Variants in DIP2C observed in about 807,000 individuals in gnomAD.
DIP2C encodes DIP2 acetate--CoA ligase C (putative).
DIP2C carries 33 observed loss-of-function variants against 192.4 expected under a neutral mutation model. The ratio of observed to expected loss-of-function variants is 0.17; its 90% CI spans 0.13 to 0.23. The LOEUF is 0.23. Among genes scored for constraint, DIP2C ranks in the 10% least tolerant of loss-of-function variants. DIP2C has a pLI of 1.00. For synonymous variants in DIP2C, 979 were observed against 864.1 expected (o/e 1.13, Z -2.33); for missense variants, 1,537 against 2,110.1 (o/e 0.73, Z 5.32).
intron 1 of DIP2C, among the ~76,000 whole-genome samples, chr10:681,635 T>C (rs954120902): frequency 6.6e-6 from 1 of 152,022 alleles, no homozygotes; most frequent in Non-Finnish European, 1.5e-5. Flanking sequence ...CCACGGAAAT[T>C]CCAGGGAACA....
chr10:650,857 C>T (rs1005940020), intron 1 of DIP2C: 14 of 716,874 alleles, frequency 2.0e-5, no homozygotes, highest in Non-Finnish European at 3.4e-5. Context: ...GTGAGAGGTC[C>T]GTGGCATAAC....
At chr10:336,314 ATTTCTACTGCC>A (rs1957766420) in intron 29 of DIP2C, among the ~76,000 whole-genome samples, 2 of 144,676 alleles carry the variant, frequency 1.4e-5, no homozygotes, top group South Asian at 4.8e-4. Context: ...AAGCTGAAAA[ATTTCTACTGCC>A]TAGAGATGCT....
chr10:301,767 T>C (rs957862159), intron 32 of DIP2C, among the ~76,000 whole-genome samples: 1 of 152,156 alleles, frequency 6.6e-6, no homozygotes, highest in African/African-American at 2.4e-5. Flanking sequence ...GCCACAGTGC[T>C]CCATGACTGC....
chr10:282,402 T>C (rs1010280070), intron 35 of DIP2C, among the ~76,000 whole-genome samples: 1 of 152,236 alleles, frequency 6.6e-6, no homozygotes. Context: ...TATTTCTGTA[T>C]GATTCCTAAA....
At chr10:317,547 G>T (rs531796183) in intron 31 of DIP2C, among the ~76,000 whole-genome samples, 1 of 152,202 alleles carries the variant, frequency 6.6e-6, no homozygotes, top group African/African-American at 2.4e-5. Flanking sequence ...AACTTACTGA[G>T]TGAATGATGA....
chr10:486,575 G>A (rs763043597), intron 1 of DIP2C, 45 bp from the exon 2 acceptor site: 2 of 1,515,104 alleles, frequency 1.3e-6, no homozygotes, highest in South Asian at 1.3e-5. Context: ...TCCGTGGATA[G>A]AGCATTATCA....
chr10:591,686 C>T (rs1406127603), intron 1 of DIP2C, among the ~76,000 whole-genome samples: 1 of 152,146 alleles, frequency 6.6e-6, no homozygotes, highest in Non-Finnish European at 1.5e-5. Flanking sequence ...GACACAAGGA[C>T]GAAGCCACCA....
Position 636,212 on chromosome 10 carries a change from C to T in DIP2C, c.85+53282G>A, listed in dbSNP as rs1221428264. ...ACAGAACACCAACGGCTCGTCGGCT[C>T]GTCGGCTCTTCCCGGCTGAACCCAA... On this transcript the variant is annotated intron_variant, in intron 1 of 36. Transcript: ENST00000280886. The surrounding 1 kb of genome is among the most constrained non-coding windows in gnomAD (Gnocchi z 4.6). Among the ~76,000 whole-genome samples the T allele has an allele frequency of 1.3e-5, 2 of 152,198 alleles. No individual in the cohort carries two copies. The highest frequency in any genetic ancestry group is 6.5e-5 in the Admixed American group (1 of 15,288).
At chr10:366,238 A>G (rs371372636) in intron 19 of DIP2C, 37 bp downstream of exon 19, 6 of 1,606,686 alleles carry the variant, frequency 3.7e-6, no homozygotes, top group Admixed American at 1.7e-5. Flanking sequence ...AGACGGAGCC[A>G]CAGATGGTGC....
intron 1 of DIP2C, among the ~76,000 whole-genome samples, chr10:661,663 A>C (rs1856770020): frequency 6.6e-6 from 1 of 151,736 alleles, no homozygotes; most frequent in African/African-American, 2.4e-5. Flanking sequence ...CCCTTCCTCC[A>C]TTTCCAAATG....
intron 22 of DIP2C, among the ~76,000 whole-genome samples, chr10:361,745 A>G (rs1283877801): frequency 2.0e-5 from 3 of 152,198 alleles, no homozygotes; most frequent in African/African-American, 7.2e-5. Context: ...GTCCTTCACA[A>G]GGCTGTTTAC....
chr10:523,621 ACT>A (rs1487126989), intron 1 of DIP2C, among the ~76,000 whole-genome samples: 2 of 142,644 alleles, frequency 1.4e-5, no homozygotes, highest in African/African-American at 2.6e-5. Flanking sequence ...GGATGCAGGG[ACT>A]CTGTGTGACC....
chr10:546,184 A>AG (rs2130923297), intron 1 of DIP2C, among the ~76,000 whole-genome samples: 1 of 151,622 alleles, frequency 6.6e-6, no homozygotes, highest in East Asian at 1.9e-4. Flanking sequence ...TGGGAGGCTG[A>AG]GGCAGGAGAA....
At chr10:390,200 C>T in intron 12 of DIP2C, 64 bp downstream of exon 12, 1 of 1,596,240 alleles carries the variant, frequency 6.3e-7, no homozygotes, top group Non-Finnish European at 8.6e-7. Context: ...GTGTAACCGT[C>T]AGAAACACAC....
chr10:541,093 TGCTGGGG>T (rs1313605911), intron 1 of DIP2C, among the ~76,000 whole-genome samples: 1 of 126,982 alleles, frequency 7.9e-6, no homozygotes, highest in Non-Finnish European at 1.6e-5. Context: ...CAACACCCGA[TGCTGGGG>T]AGCCACAACA....
intron 31 of DIP2C, among the ~76,000 whole-genome samples, chr10:326,602 G>A (rs1046392646): frequency 1.3e-5 from 2 of 152,254 alleles, no homozygotes; most frequent in African/African-American, 4.8e-5. Context: ...TGCCATTGCA[G>A]CAGCAAATCC....
chr10:283,941 G>A (rs1318608419), intron 34 of DIP2C, among the ~76,000 whole-genome samples: 3 of 152,142 alleles, frequency 2.0e-5, no homozygotes, highest in Non-Finnish European at 2.9e-5. Context: ...ACCAAAAACC[G>A]GAAACGAAAA....
intron 1 of DIP2C, among the ~76,000 whole-genome samples, chr10:545,555 A>G (rs933116205): frequency 6.6e-6 from 1 of 152,218 alleles, no homozygotes; most frequent in Non-Finnish European, 1.5e-5. Context: ...GACGCCGTCT[A>G]CACAGAATGG....
chr10:615,367 G>A (rs540542583), intron 1 of DIP2C, among the ~76,000 whole-genome samples: 33 of 152,280 alleles, frequency 2.2e-4, no homozygotes, highest in African/African-American at 6.3e-4. Flanking sequence ...GCAGCCACCC[G>A]CATAGGGGCC....
Sources: gnomAD v4.1 joint callset for allele counts (sites outside exome capture counted in the v4.1 genomes callset) on GRCh38, gnomAD v4.1.1 for gene constraint, Gnocchi (gnomAD v3.1) non-coding constraint, MANE v1.5 for transcripts, NCBI Gene and HGNC (gene_info 2026-07-23, HGNC 2026-07-21) for gene names.